Variants in PER3 observed in about 807,000 individuals in gnomAD.
The protein encoded by PER3 is period circadian protein homolog 3.
In PER3, 107 loss-of-function variants were observed where a neutral mutation model predicts 127.2. The ratio of observed to expected loss-of-function variants is 0.84; its 90% CI spans 0.72 to 0.99. The LOEUF (loss-of-function observed/expected upper bound fraction) is 0.99, where lower values mean the gene tolerates loss of function less well. PER3 is among the 50% of genes least tolerant of loss of function. PER3 has a pLI of 0.00. For synonymous variants in PER3, 618 were observed against 585.8 expected, an observed-to-expected ratio of 1.05 and a Z score of -0.79; for missense variants, 1,560 against 1,525.8, an observed-to-expected ratio of 1.02 and a Z score of -0.37.
At chr1:7,840,819 T>C (rs1438579582) in intron 21 of PER3, among the ~76,000 whole-genome samples, 1 of 149,906 alleles carries the variant, frequency 6.7e-6, no homozygotes, top group East Asian at 2.0e-4. Context: ...TGTTGCCCAG[T>C]CTGGTCTTGA....
At position 7,810,758 on chromosome 1, in the gene PER3, C is replaced by G. The variant is rs1185138708; in HGVS notation, c.1522+170C>G. ...ATAGCAATAGTAGTAATAATAATGG[C>G]AGCAACAAATACTGTTCTGAAAGGA... On this transcript the variant is annotated intron_variant, in intron 13 of 21. Transcript: ENST00000377532. 9.7e-6 allele frequency: 5 copies of G among 516,784 alleles called. No individual in the cohort carries two copies. The South Asian group carries it at 1.2e-4, about 13-fold the overall frequency. 32.0% of individuals were successfully genotyped at this position (516,784 alleles called of 1,614,324 possible). A position where few individuals can be genotyped will look rare whatever the true frequency, so the allele number is the denominator to read the frequency against.
intron 13 of PER3, among the ~76,000 whole-genome samples, chr1:7,818,411 A>T (rs1428279877): frequency 6.6e-6 from 1 of 152,256 alleles, no homozygotes; most frequent in East Asian, 1.9e-4. Flanking sequence ...CTTCCAAGCC[A>T]GCTAAAAATG....
intron 18 of PER3, among the ~76,000 whole-genome samples, chr1:7,828,066 C>A (rs1239416214): frequency 6.6e-6 from 1 of 152,190 alleles, no homozygotes; most frequent in South Asian, 2.1e-4. Flanking sequence ...AAAGTGCTAT[C>A]TTTTAAGTTT....
intron 10 of PER3, among the ~76,000 whole-genome samples, chr1:7,806,812 A>ATATATATATATATATATAT (rs1553309916): frequency 8.2e-5 from 5 of 60,628 alleles, no homozygotes; most frequent in African/African-American, 2.0e-4. Context: ...AAAAAAAAAA[A>ATATATATATATATATATAT]ATATATATAT....
rs572593601 is a variant in PER3, at chr1:7,834,339, C to G, written c.3215-1423C>G. 6.6e-5 allele frequency among the ~76,000 whole-genome samples: 10 copies of G among 152,250 alleles called. No individual in the cohort carries two copies. The East Asian group carries it at 1.7e-3, about 26-fold the overall frequency. ...CGGAGTACTTCCATGTCCCCTTTGT[C>G]TTTTGTGCTATTTTTGTCATACATT... On this transcript the variant is annotated intron_variant, in intron 19 of 21. Coordinates refer to ENST00000377532, the MANE Select transcript of PER3 (RefSeq NM_001377275.1).
At chr1:7,820,273 G>T in intron 15 of PER3, 34 bp downstream of exon 15, 1 of 1,598,950 alleles carries the variant, frequency 6.3e-7, no homozygotes, top group Non-Finnish European at 8.5e-7. Flanking sequence ...TAAATTCAAA[G>T]AACTGTAAAT....
intron 6 of PER3, among the ~76,000 whole-genome samples, chr1:7,794,987 T>A (rs965186954): frequency 2.0e-5 from 3 of 152,140 alleles, no homozygotes; most frequent in African/African-American, 7.2e-5. Flanking sequence ...AGTATTGAAG[T>A]TACTAAATGC....
chr1:7,826,642 T>C lies in PER3; in HGVS notation c.2120T>C (p.Leu707Pro), dbSNP rs1456328202. ...NYVDKFREKI[L>P]SSPYSSYLQQ... ...GTTGATAAATTCCGAGAAAAGATCCTGTCATCACCCTACAGCTCCTATCTT... is the reference window on the plus strand; with the variant it reads ...GTTGATAAATTCCGAGAAAAGATCCCGTCATCACCCTACAGCTCCTATCTT... The change falls in exon 17 of 22, where the codon CTG (leucine) becomes CCG (proline). Residue 707 changes from leucine (L) to proline (P), a missense_variant. Leu to Pro is a moderately conservative substitution (Grantham distance 98, BLOSUM62 -3). Around this residue, in one of 3 missense-constraint regions of PER3, gnomAD observed 1,332 missense variants for 1,223.6 expected, o/e 1.09. Coordinates refer to ENST00000377532, the MANE Select transcript of PER3 (RefSeq NM_001377275.1). The surrounding 1 kb of genome is among the most constrained non-coding windows in gnomAD (Gnocchi z 4.2). 1.2e-6 allele frequency: 2 copies of C among 1,613,596 alleles called. No individual in the cohort carries two copies. The highest frequency in any genetic ancestry group is 2.7e-5 in the African/African-American group (2 of 74,914).
At chr1:7,831,414 T>C (rs2097331119) in intron 19 of PER3, among the ~76,000 whole-genome samples, 1 of 152,232 alleles carries the variant, frequency 6.6e-6, no homozygotes, top group Admixed American at 6.5e-5. Flanking sequence ...TTTTACTTCT[T>C]TTTTTCCGTC....
intron 9 of PER3, 82 bp downstream of exon 9, chr1:7,803,235 C>A: frequency 2.4e-6 from 2 of 822,968 alleles, no homozygotes; most frequent in Non-Finnish European, 4.3e-6. Flanking sequence ...CATTAGAGCG[C>A]AACCTTTAAC....
rs1050368425 is a variant in PER3 at position 7,826,123 on chromosome 1, A to G, written c.1958-357A>G. ...TGAGGGGAATTTACTACATGTCTTT[A>G]TTAATACTTCCTGATTTTTGAACCA... On this transcript the variant is annotated intron_variant, in intron 16 of 21. Transcript: ENST00000377532. The surrounding 1 kb of genome is among the most constrained non-coding windows in gnomAD (Gnocchi z 4.2). Among the ~76,000 whole-genome samples the G allele has an allele frequency of 2.6e-5, 4 of 152,200 alleles. No individual in the cohort carries two copies. The highest frequency in any genetic ancestry group is 4.4e-5 in the Non-Finnish European group (3 of 68,040).
At chr1:7,831,681 C>A (rs901275613) in intron 19 of PER3, among the ~76,000 whole-genome samples, 3 of 152,128 alleles carry the variant, frequency 2.0e-5, no homozygotes, top group Non-Finnish European at 4.4e-5. Flanking sequence ...GGTTTTCCTC[C>A]CTTATTCTAT....
Position 7,810,229 on chromosome 1 carries a change from C to A in PER3, c.1371+208C>A, listed in dbSNP as rs1311596707. On this transcript the variant is annotated intron_variant, in intron 12 of 21. Transcript: ENST00000377532. ...GATATTTGAATTAATTGTATGCGTT[C>A]TAAAAATTAGCATATTGTGAACAGA... The A allele has an allele frequency of 3.9e-5, 25 of 635,314 alleles. No individual in the cohort carries two copies. The Admixed American group carries it at 5.6e-4, about 14-fold the overall frequency. 39.4% of individuals were successfully genotyped at this position (635,314 alleles called of 1,614,324 possible).
intron 7 of PER3, among the ~76,000 whole-genome samples, chr1:7,800,708 T>A (rs2097166823): frequency 6.6e-6 from 1 of 151,738 alleles, no homozygotes; most frequent in Admixed American, 6.6e-5. Context: ...GCGCCTGTAA[T>A]CCCAGCTACT....
intron 19 of PER3, among the ~76,000 whole-genome samples, chr1:7,833,491 C>G (rs1244182800): frequency 1.3e-5 from 2 of 152,138 alleles, no homozygotes; most frequent in South Asian, 2.1e-4. Context: ...TGATGAATTG[C>G]TCTCTTTATC....
chr1:7,797,343 A>C (rs141186274), intron 6 of PER3, among the ~76,000 whole-genome samples: 3 of 152,268 alleles, frequency 2.0e-5, no homozygotes, highest in African/African-American at 4.8e-5. Flanking sequence ...GAAGAGAAAG[A>C]GCAAGGTGGG....
intron 19 of PER3, among the ~76,000 whole-genome samples, 182 bp from the exon 20 acceptor site, chr1:7,835,580 G>A (rs1484216100): frequency 6.6e-6 from 1 of 152,228 alleles, no homozygotes; most frequent in Non-Finnish European, 1.5e-5. Context: ...AATGGAAAAA[G>A]AGATCTCAGG....
chr1:7,803,073 C>T lies in PER3; in HGVS notation c.899C>T (p.Pro300Leu), dbSNP rs748357327. The change falls in exon 9 of 22, where the codon CCT becomes CTT. Residue 300 changes from proline (P) to leucine (L), a missense_variant. Around this residue, in one of 3 missense-constraint regions of PER3, gnomAD observed 1,332 missense variants for 1,223.6 expected, o/e 1.09. Transcript: ENST00000377532. The stretch of plus-strand genomic sequence containing the variant: ...GCAGTGCCTTTGCTGGGTTACCTAC[C>T]TCAGGACCTGATTGGAACATCGATC... Reference protein sequence around the residue: ...EKAVPLLGYLPQDLIGTSILS... With the variant: ...EKAVPLLGYLLQDLIGTSILS... The T allele has an allele frequency of 4.3e-6, 7 of 1,612,368 alleles. No homozygotes were observed. Among genetic ancestry groups the T allele is most frequent in the Admixed American group, 1.7e-5 (1 of 60,012 alleles).
At position 7,827,451 on chromosome 1, in the gene PER3, T is replaced by C; in HGVS notation, c.2522T>C (p.Leu841Ser). Residue 841 changes from leucine (L) to serine (S), a missense_variant, in exon 18 of 22, where the codon TTG becomes TCG. Physicochemically the swap from Leu to Ser is moderately radical, Grantham distance 145. Coordinates refer to ENST00000377532, the MANE Select transcript of PER3 (RefSeq NM_001377275.1). ...GLHGLPLSEG[L>S]QPYPAFPFPY... ...CATGGGCTGCCCTTGTCCGAGGGCT[T>C]GCAGCCTTACCCAGCTTTCCCTTTT... 2 of 1,614,194 alleles carry C rather than the reference T, an allele frequency of 1.2e-6. No individual in the cohort carries two copies. Among genetic ancestry groups the C allele is most frequent in the Non-Finnish European group, 1.7e-6 (2 of 1,180,012 alleles).
Sources: gnomAD v4.1 joint callset for allele counts (sites outside exome capture counted in the v4.1 genomes callset) on GRCh38, gnomAD v4.1.1 for gene constraint, gnomAD v4.1.1 regional missense constraint, Gnocchi (gnomAD v3.1) non-coding constraint, MANE v1.5 for transcripts, NCBI Gene and HGNC (gene_info 2026-07-23, HGNC 2026-07-21) for gene names.